Variants in ROBO2 observed in about 807,000 individuals in gnomAD.
The protein encoded by ROBO2 is roundabout homolog 2.
ROBO2 carries 53 observed loss-of-function variants against 160.8 expected under a neutral mutation model. The ratio of observed to expected loss-of-function variants is 0.33; its 90% CI spans 0.26 to 0.41. The LOEUF is 0.41. Ranked by LOEUF, ROBO2 falls within the 10% of genes least tolerant of loss-of-function variation. ROBO2 has a pLI of 1.00. For missense variants in ROBO2, 1,577 were observed against 1,722.4 expected, an observed-to-expected ratio of 0.92 and a Z score of 1.49; for synonymous variants, 664 against 611.7, an observed-to-expected ratio of 1.09 and a Z score of -1.26.
At chr3:76,874,440 A>T (rs551063477) in intron 2 of ROBO2, among the ~76,000 whole-genome samples, 17 of 152,294 alleles carry the variant, frequency 1.1e-4, no homozygotes, top group Non-Finnish European at 2.1e-4. Context: ...TTTTTAAACT[A>T]CATAAGAAAT....
intron 2 of ROBO2, among the ~76,000 whole-genome samples, chr3:77,298,915 C>T (rs1183238164): frequency 4.6e-5 from 7 of 152,040 alleles, no homozygotes; most frequent in Non-Finnish European, 1.5e-5. Flanking sequence ...ACAAAAGTGT[C>T]GTGAGATCTG....
At chr3:77,376,042 A>G (rs2072602034) in intron 2 of ROBO2, among the ~76,000 whole-genome samples, 1 of 152,160 alleles carries the variant, frequency 6.6e-6, no homozygotes, top group Non-Finnish European at 1.5e-5. Context: ...CGAGATGGAC[A>G]CAGTCCAGGA....
chr3:77,113,621 G>C (rs2073905908), intron 2 of ROBO2, among the ~76,000 whole-genome samples: 1 of 152,170 alleles, frequency 6.6e-6, no homozygotes, highest in Non-Finnish European at 1.5e-5. Context: ...CAAATGAACT[G>C]TTCTATTTCT....
intron 2 of ROBO2, among the ~76,000 whole-genome samples, chr3:76,337,020 G>C (rs1381999905): frequency 6.6e-6 from 1 of 152,050 alleles, no homozygotes; most frequent in Admixed American, 6.5e-5. Flanking sequence ...GGGCTTTGTA[G>C]AGAAAAAAAG....
At chr3:77,368,672 A>G (rs2071299632) in intron 2 of ROBO2, among the ~76,000 whole-genome samples, 1 of 152,220 alleles carries the variant, frequency 6.6e-6, no homozygotes, top group Non-Finnish European at 1.5e-5. Flanking sequence ...TTCCTTGTTT[A>G]TGTGTGCATT....
intron 2 of ROBO2, among the ~76,000 whole-genome samples, chr3:76,629,342 T>A (rs2089880421): frequency 1.3e-5 from 2 of 152,142 alleles, no homozygotes; most frequent in African/African-American, 4.8e-5. Flanking sequence ...AATAGATGTC[T>A]ACATTAAGAG....
intron 2 of ROBO2, among the ~76,000 whole-genome samples, chr3:77,419,067 G>C (rs2077493940): frequency 6.6e-6 from 1 of 152,060 alleles, no homozygotes; most frequent in Non-Finnish European, 1.5e-5. Flanking sequence ...GGGAGTAACT[G>C]TCCCAGGCCT....
intron 2 of ROBO2, among the ~76,000 whole-genome samples, chr3:76,302,506 A>G (rs1355172226): frequency 6.6e-6 from 1 of 152,184 alleles, no homozygotes; most frequent in East Asian, 1.9e-4. Flanking sequence ...TGATTCAACT[A>G]TATATTAATA....
chr3:76,806,861 T>C (rs574791979), intron 2 of ROBO2, among the ~76,000 whole-genome samples: 1 of 152,216 alleles, frequency 6.6e-6, no homozygotes, highest in Admixed American at 6.5e-5. Flanking sequence ...TATGTATCAC[T>C]TCCTTTATTG....
chr3:76,838,222 G>A (rs5745837), intron 2 of ROBO2, among the ~76,000 whole-genome samples: 1 of 151,972 alleles, frequency 6.6e-6, no homozygotes, highest in Non-Finnish European at 1.5e-5. Context: ...AGACACTGGG[G>A]TTTACTTGAG....
intron 2 of ROBO2, among the ~76,000 whole-genome samples, chr3:76,323,503 T>C (rs1187337002): frequency 1.3e-5 from 2 of 151,950 alleles, no homozygotes; most frequent in Admixed American, 6.6e-5. Flanking sequence ...GACAAATGAG[T>C]CTATGATTAA....
At chr3:77,390,174 C>T (rs755002443) in intron 2 of ROBO2, among the ~76,000 whole-genome samples, 6 of 152,134 alleles carry the variant, frequency 3.9e-5, no homozygotes, top group African/African-American at 7.2e-5. Flanking sequence ...CTTAACCACG[C>T]AGCTTAGATT....
chr3:75,963,527 A>G (rs1318527215), intron 2 of ROBO2, among the ~76,000 whole-genome samples: 2 of 151,814 alleles, frequency 1.3e-5, no homozygotes, highest in African/African-American at 2.4e-5. Flanking sequence ...ATAATACTTG[A>G]TAACATAAAA....
chr3:76,770,490 T>C (rs9838765), intron 2 of ROBO2, among the ~76,000 whole-genome samples: 2,946 of 151,222 alleles, frequency 0.019, 93 homozygotes, highest in African/African-American at 0.066. Context: ...TTAAGAACAG[T>C]TGAGGGTATT....
chr3:77,029,482 T>C (rs775399149), intron 2 of ROBO2, among the ~76,000 whole-genome samples: 1 of 152,200 alleles, frequency 6.6e-6, no homozygotes, highest in Non-Finnish European at 1.5e-5. Flanking sequence ...GTTAAATAAA[T>C]TAACAGAGGA....
intron 2 of ROBO2, among the ~76,000 whole-genome samples, chr3:77,359,786 C>T (rs2069660127): frequency 6.6e-6 from 1 of 152,034 alleles, no homozygotes; most frequent in African/African-American, 2.4e-5. Flanking sequence ...TCAAGTGATC[C>T]TCTCACCTCA....
At chr3:77,557,854 T>C in intron 8 of ROBO2, 90 bp from the exon 10 acceptor site, 1 of 980,160 alleles carries the variant, frequency 1.0e-6, no homozygotes, top group Non-Finnish European at 1.7e-6. Flanking sequence ...TATATTGTGT[T>C]GGGGCTTTAA....
At chr3:75,930,449 G>C (rs1010192232) in intron 1 of ROBO2, among the ~76,000 whole-genome samples, 3 of 152,018 alleles carry the variant, frequency 2.0e-5, no homozygotes, top group African/African-American at 7.3e-5. Flanking sequence ...CCCACCATTA[G>C]TAGAACAATT....
chr3:77,028,891 T>C (rs2149540847), intron 2 of ROBO2, among the ~76,000 whole-genome samples: 1 of 152,318 alleles, frequency 6.6e-6, no homozygotes, highest in African/African-American at 2.4e-5. Context: ...AAAACCACTA[T>C]ATCCTTCTTT....
Sources: allele counts gnomAD v4.1 joint callset (sites outside exome capture counted in the v4.1 genomes callset), GRCh38; gene constraint gnomAD v4.1.1; transcripts MANE v1.5; gene names NCBI Gene and HGNC (gene_info 2026-07-23, HGNC 2026-07-21).